NTRK2: variants seen among roughly 807,000 people sequenced by gnomAD.
The protein encoded by NTRK2 is BDNF/NT-3 growth factors receptor.
Under a neutral mutation model 94.5 loss-of-function variants are expected in NTRK2, and 13 were observed. The observed-to-expected ratio is 0.14, with a 90% CI of 0.09 to 0.22. The LOEUF (loss-of-function observed/expected upper bound fraction) is 0.22, where lower values mean the gene tolerates loss of function less well. Ranked by LOEUF, NTRK2 falls within the 10% of genes least tolerant of loss-of-function variation. NTRK2 has a pLI of 1.00. For missense variants in NTRK2, 639 were observed against 1,071.2 expected (o/e 0.60, Z 5.63); for synonymous variants, 372 against 407.4 (o/e 0.91, Z 1.05).
intron 12 of NTRK2, among the ~76,000 whole-genome samples, chr9:84,816,530 C>T (rs1189294148): frequency 1.3e-5 from 2 of 152,050 alleles, no homozygotes; most frequent in Non-Finnish European, 2.9e-5. Context: ...CCTATAATCC[C>T]AGTACTTTGG....
At chr9:84,866,365 T>C (rs1396774080) in intron 13 of NTRK2, among the ~76,000 whole-genome samples, 1 of 152,200 alleles carries the variant, frequency 6.6e-6, no homozygotes, top group Non-Finnish European at 1.5e-5. Flanking sequence ...TGTCATAAAA[T>C]AAGCAAATAT....
chr9:84,934,080 G>C (rs2132715384), intron 14 of NTRK2, 82 bp from the exon 15 acceptor site: 2 of 1,515,176 alleles, frequency 1.3e-6, no homozygotes, highest in Non-Finnish European at 9.1e-7. Flanking sequence ...TGGAAGCTCA[G>C]GTACAGGCCA....
At chr9:84,777,226 G>A (rs1020963290) in intron 12 of NTRK2, among the ~76,000 whole-genome samples, 4 of 152,152 alleles carry the variant, frequency 2.6e-5, no homozygotes, top group African/African-American at 9.7e-5. Flanking sequence ...CCTAGTGTTG[G>A]TTGTCCCATT....
Position 84,873,958 on chromosome 9 carries a change from T to C in NTRK2, c.1633+6527T>C, listed in dbSNP as rs2075969233. The C allele has an allele frequency of 9.4e-6, 10 of 1,062,986 alleles. No individual in the cohort carries two copies. In the South Asian group the frequency reaches 3.2e-4, roughly 34 times the overall value. 65.8% of individuals were successfully genotyped at this position (1,062,986 alleles called of 1,614,324 possible). On this transcript the variant is annotated intron_variant, in intron 14 of 18. Coordinates refer to ENST00000277120, the MANE Select transcript of NTRK2 (RefSeq NM_006180.6). Reference sequence around the variant, plus strand: ...CTCCCTCATCATCGGCCAACCAAGATGGAGTTCTGCATCCTGCACATATCA... The same window carrying C: ...CTCCCTCATCATCGGCCAACCAAGACGGAGTTCTGCATCCTGCACATATCA...
chr9:85,017,533 A>G (rs951521417), intron 17 of NTRK2, among the ~76,000 whole-genome samples: 1 of 152,240 alleles, frequency 6.6e-6, no homozygotes, highest in Non-Finnish European at 1.5e-5. Flanking sequence ...TGAGACATAT[A>G]TAAATGGTTA....
chr9:84,754,119 C>T lies in NTRK2; in HGVS notation c.1396+2034C>T, dbSNP rs1564194344. Among the ~76,000 whole-genome samples the T allele has an allele frequency of 9.9e-5, 15 of 152,252 alleles. No individual in the cohort carries two copies. The South Asian group carries it at 2.5e-3, about 25-fold the overall frequency. ...TAATTTGGGGTGATTACCACTAAAG[C>T]GTCTACGTTTTCTGAGTATAACCTG... On this transcript the variant is annotated intron_variant, in intron 12 of 18. Transcript: ENST00000277120.
intron 15 of NTRK2, among the ~76,000 whole-genome samples, chr9:84,941,438 A>C (rs2078406052): frequency 6.6e-6 from 1 of 152,230 alleles, no homozygotes; most frequent in Non-Finnish European, 1.5e-5. Context: ...ATTTATCCAC[A>C]TATTTTCAGA....
At chr9:84,674,680 A>G (rs2058921384) in intron 2 of NTRK2, among the ~76,000 whole-genome samples, 1 of 152,222 alleles carries the variant, frequency 6.6e-6, no homozygotes, top group African/African-American at 2.4e-5. Context: ...AATTTACATC[A>G]TTCATTATTT....
In NTRK2 at chr9:84,867,231, T is replaced by C. The variant is rs2075635365; in HGVS notation, c.1445-12T>C. On this transcript the variant is annotated splice_polypyrimidine_tract_variant and intron_variant, in intron 13 of 18. Coordinates refer to ENST00000277120, the MANE Select transcript of NTRK2 (RefSeq NM_006180.6). ...TGATTACAGGAGAATATATATATTT[T>C]TCCATCTCCAGGCCCAGCCTCCGTT... The C allele has an allele frequency of 6.2e-7, 1 of 1,613,354 alleles. No homozygotes were observed. Among genetic ancestry groups the C allele is most frequent in the African/African-American group, 1.3e-5 (1 of 74,908 alleles).
At chr9:84,908,770 G>C (rs1199712572) in intron 14 of NTRK2, among the ~76,000 whole-genome samples, 1 of 152,124 alleles carries the variant, frequency 6.6e-6, no homozygotes, top group African/African-American at 2.4e-5. Context: ...AGCTTTTAGT[G>C]GCAAACTGTT....
At chr9:84,933,835 A>C (rs1390587630) in intron 14 of NTRK2, among the ~76,000 whole-genome samples, 1 of 152,232 alleles carries the variant, frequency 6.6e-6, no homozygotes, top group Non-Finnish European at 1.5e-5. Flanking sequence ...CATCTGGCTT[A>C]TAAGAAGCCT....
At chr9:84,781,479 A>T (rs1443906778) in intron 12 of NTRK2, among the ~76,000 whole-genome samples, 1 of 152,214 alleles carries the variant, frequency 6.6e-6, no homozygotes, top group African/African-American at 2.4e-5. Context: ...TTCAAGAATT[A>T]CCCATTAAAG....
intron 17 of NTRK2, among the ~76,000 whole-genome samples, chr9:84,994,581 A>T (rs1212255713): frequency 6.6e-6 from 1 of 152,154 alleles, no homozygotes; most frequent in African/African-American, 2.4e-5. Context: ...CCACTCCCAG[A>T]TCACTGCAGC....
intron 14 of NTRK2, among the ~76,000 whole-genome samples, chr9:84,926,705 C>T (rs1587955970): frequency 6.6e-6 from 1 of 152,114 alleles, no homozygotes; most frequent in South Asian, 2.1e-4. Flanking sequence ...TATTCAATTA[C>T]TCATCTATTT....
At chr9:84,989,023 C>T (rs1356615226) in intron 17 of NTRK2, among the ~76,000 whole-genome samples, 1 of 152,206 alleles carries the variant, frequency 6.6e-6, no homozygotes, top group Non-Finnish European at 1.5e-5. Flanking sequence ...GAGAAACAAC[C>T]TCATCTTCCA....
At chr9:84,917,830 A>G (rs1298671055) in intron 14 of NTRK2, among the ~76,000 whole-genome samples, 1 of 152,162 alleles carries the variant, frequency 6.6e-6, no homozygotes, top group Non-Finnish European at 1.5e-5. Flanking sequence ...CGCCAGAGAG[A>G]GAAAAATCCT....
intron 12 of NTRK2, among the ~76,000 whole-genome samples, chr9:84,827,278 G>A (rs2073249089): frequency 6.6e-6 from 1 of 152,202 alleles, no homozygotes; most frequent in African/African-American, 2.4e-5. Flanking sequence ...TGGAGAGTGT[G>A]TGTCTTATTT....
chr9:84,758,985 C>G (rs965668212), intron 12 of NTRK2, among the ~76,000 whole-genome samples: 4 of 152,064 alleles, frequency 2.6e-5, no homozygotes, highest in African/African-American at 4.8e-5. Context: ...CACAGAAACC[C>G]TTTGTTAAAC....
At chr9:84,813,580 A>G in intron 12 of NTRK2, 2 of 1,065,708 alleles carry the variant, frequency 1.9e-6, no homozygotes, top group Non-Finnish European at 2.3e-6. Flanking sequence ...TATCTGCAAC[A>G]TGTCAATTAC....
Sources: gnomAD v4.1 joint callset for allele counts (sites outside exome capture counted in the v4.1 genomes callset) on GRCh38, gnomAD v4.1.1 for gene constraint, MANE v1.5 for transcripts, NCBI Gene and HGNC (gene_info 2026-07-23, HGNC 2026-07-21) for gene names.